The following TRABD2B variants were observed in gnomAD, a reference collection of about 807,000 sequenced individuals.
TRABD2B encodes the protein metalloprotease TIKI2.
In TRABD2B, 14 loss-of-function variants were observed where a neutral mutation model predicts 40.1. The observed-to-expected ratio is 0.35, with a 90% CI of 0.23 to 0.55. The LOEUF (loss-of-function observed/expected upper bound fraction) is 0.55. Ranked by LOEUF, TRABD2B falls within the 20% of genes least tolerant of loss-of-function variation. TRABD2B has a pLI of 0.90. For synonymous variants in TRABD2B, 263 were observed against 277.0 expected, an observed-to-expected ratio of 0.95 and a Z score of 0.50; for missense variants, 541 against 648.6, an observed-to-expected ratio of 0.83 and a Z score of 1.80.
chr1:47,899,711 G>A (rs903341601), intron 2 of TRABD2B, among the ~76,000 whole-genome samples: 26 of 152,278 alleles, frequency 1.7e-4, no homozygotes, highest in African/African-American at 6.0e-4. Flanking sequence ...GGTGTGTGTG[G>A]TGGGTAGATA....
At chr1:47,802,616 G>T (rs1186788982) in intron 2 of TRABD2B, among the ~76,000 whole-genome samples, 3 of 152,134 alleles carry the variant, frequency 2.0e-5, no homozygotes, top group Non-Finnish European at 4.4e-5. Context: ...GGTCCCTGCT[G>T]TTAGCCCAGC....
intron 2 of TRABD2B, among the ~76,000 whole-genome samples, chr1:47,933,760 G>C (rs1386312261): frequency 6.6e-6 from 1 of 152,170 alleles, no homozygotes; most frequent in African/African-American, 2.4e-5. Flanking sequence ...GCTTGACACA[G>C]TGAGTATCTG....
At chr1:47,892,122 T>C (rs1474589229) in intron 2 of TRABD2B, among the ~76,000 whole-genome samples, 1 of 152,336 alleles carries the variant, frequency 6.6e-6, no homozygotes, top group Middle Eastern at 3.4e-3. Flanking sequence ...TACAGGCAGC[T>C]TATTACACGC....
rs958963454 is a variant in TRABD2B, at chr1:47,973,426, A to G, written c.666+20608T>C. 1.1e-4 allele frequency among the ~76,000 whole-genome samples: 16 copies of G among 152,256 alleles called. No homozygotes were observed. The East Asian group carries it at 3.1e-3, about 29-fold the overall frequency. ...ACCAGGTAGATGATGTAACCCGAAG[A>G]TGCCACTAACAATGTTGCCAACAAA... is the stretch of plus-strand genomic sequence containing the variant. On this transcript the variant is annotated intron_variant, in intron 2 of 6. Coordinates refer to ENST00000606738, the MANE Select transcript of TRABD2B (RefSeq NM_001194986.2).
intron 4 of TRABD2B, 137 bp from the exon 5 acceptor site, chr1:47,778,681 C>G: frequency 1.5e-6 from 1 of 675,664 alleles, no homozygotes; most frequent in Non-Finnish European, 2.7e-6. Context: ...CCCTGAGAGG[C>G]AGTATAGCAT....
rs139650931 is a variant in TRABD2B at position 47,866,771 on chromosome 1, CT to C, written c.667-65153del. On this transcript the variant is annotated intron_variant, in intron 2 of 6. Coordinates refer to ENST00000606738, the MANE Select transcript of TRABD2B (RefSeq NM_001194986.2). ...AATGGTTGTGCTCCCCCTTGGACCC[CT>C]CTCCATCCCACTGGGCCTGTCCAAG... 4.6e-3 allele frequency among the ~76,000 whole-genome samples: 701 copies of C among 152,308 alleles called. 6 individuals carry two copies. Among genetic ancestry groups the C allele is most frequent in the African/African-American group, 0.017 (688 of 41,570 alleles).
chr1:47,916,064 C>T (rs1644826307), intron 2 of TRABD2B, among the ~76,000 whole-genome samples: 1 of 151,704 alleles, frequency 6.6e-6, no homozygotes, highest in African/African-American at 2.4e-5. Context: ...CCGCAGACAG[C>T]CCTAAAGGGG....
chr1:47,867,695 A>G (rs1414177837), intron 2 of TRABD2B, among the ~76,000 whole-genome samples: 1 of 152,200 alleles, frequency 6.6e-6, no homozygotes, highest in Non-Finnish European at 1.5e-5. Flanking sequence ...AGGATGTTTA[A>G]CTTTCGTCCT....
At position 47,868,654 on chromosome 1, in the gene TRABD2B, C is replaced by T. The variant is rs138978180; in HGVS notation, c.667-67035G>A. Reference sequence around the variant, plus strand: ...TAATGCCTGATGATCTGAGGTGAAACAATTTCATCACTAAACCATCCCCTC... The same window carrying T: ...TAATGCCTGATGATCTGAGGTGAAATAATTTCATCACTAAACCATCCCCTC... On this transcript the variant is annotated intron_variant, in intron 2 of 6. Coordinates refer to ENST00000606738, the MANE Select transcript of TRABD2B (RefSeq NM_001194986.2). 4.4e-3 allele frequency among the ~76,000 whole-genome samples: 666 copies of T among 152,252 alleles called. 2 individuals carry two copies. The highest frequency in any genetic ancestry group is 7.4e-3 in the Non-Finnish European group (506 of 68,008).
intron 2 of TRABD2B, among the ~76,000 whole-genome samples, chr1:47,922,853 G>A (rs1002499434): frequency 2.6e-5 from 4 of 152,164 alleles, no homozygotes; most frequent in African/African-American, 9.7e-5. Flanking sequence ...CTTTTCAAAA[G>A]AACAAATCTT....
At chr1:47,921,214 CACGGTAGACCA>C (rs1644897355) in intron 2 of TRABD2B, among the ~76,000 whole-genome samples, 1 of 152,182 alleles carries the variant, frequency 6.6e-6, no homozygotes, top group Admixed American at 6.5e-5. Flanking sequence ...AATGACAGGT[CACGGTAGACCA>C]ACTGCTGGGT....
rs963694678 is a variant in TRABD2B, at chr1:47,765,859, C to A, written c.*43G>T. ...GGAGCAGTTGGGTGTGGCCGAAGACCCCTGTGTCATTTCTCTGGCTTCTCC... is the reference window on the plus strand; with the variant it reads ...GGAGCAGTTGGGTGTGGCCGAAGACACCTGTGTCATTTCTCTGGCTTCTCC... On this transcript the variant is annotated 3_prime_UTR_variant, in exon 7 of 7. Transcript: ENST00000606738. 8.5e-6 allele frequency: 6 copies of A among 702,698 alleles called. No homozygotes were observed. The highest frequency in any genetic ancestry group is 1.6e-5 in the Non-Finnish European group (6 of 384,920). 43.5% of individuals were successfully genotyped at this position (702,698 alleles called of 1,614,324 possible). A position where few individuals can be genotyped will look rare whatever the true frequency, so the allele number is the denominator to read the frequency against.
intron 2 of TRABD2B, among the ~76,000 whole-genome samples, chr1:47,888,394 T>G (rs1644401701): frequency 6.6e-6 from 1 of 152,116 alleles, no homozygotes; most frequent in South Asian, 2.1e-4. Context: ...GCAGGTGCAG[T>G]GCCCTTGGGA....
intron 2 of TRABD2B, among the ~76,000 whole-genome samples, chr1:47,990,771 TTATA>T (rs55649435): frequency 1.6e-3 from 59 of 36,492 alleles, no homozygotes; most frequent in South Asian, 4.5e-3. Flanking sequence ...AACGTTGGTT[TTATA>T]TATATATATA....
intron 2 of TRABD2B, among the ~76,000 whole-genome samples, chr1:47,811,222 C>A (rs1046464408): frequency 6.6e-6 from 1 of 152,094 alleles, no homozygotes; most frequent in African/African-American, 2.4e-5. Flanking sequence ...AGAGGTCCAA[C>A]TGAAGATGAA....
intron 4 of TRABD2B, among the ~76,000 whole-genome samples, chr1:47,789,941 TAA>T (rs61490498): frequency 2.1e-5 from 3 of 144,148 alleles, no homozygotes; most frequent in African/African-American, 2.5e-5. Flanking sequence ...TTTCTCATCT[TAA>T]AAAAAAAAAA....
chr1:47,803,559 C>A (rs1644851725), intron 2 of TRABD2B, among the ~76,000 whole-genome samples: 1 of 152,162 alleles, frequency 6.6e-6, no homozygotes, highest in Non-Finnish European at 1.5e-5. Context: ...AGAGACTATT[C>A]ACAATTGTCC....
At chr1:47,864,502 T>G (rs911059470) in intron 2 of TRABD2B, among the ~76,000 whole-genome samples, 15 of 152,164 alleles carry the variant, frequency 9.9e-5, no homozygotes, top group African/African-American at 3.4e-4. Context: ...TCAATAGTGT[T>G]GAGAAACTTT....
At chr1:47,961,941 T>C (rs976458690) in intron 2 of TRABD2B, among the ~76,000 whole-genome samples, 3 of 152,098 alleles carry the variant, frequency 2.0e-5, no homozygotes, top group Non-Finnish European at 2.9e-5. Context: ...CTATTCACAA[T>C]AGCAAAGACT....
Sources: allele counts gnomAD v4.1 joint callset (sites outside exome capture counted in the v4.1 genomes callset), GRCh38; gene constraint gnomAD v4.1.1; transcripts MANE v1.5; gene names NCBI Gene and HGNC (gene_info 2026-07-23, HGNC 2026-07-21).